EFCAB13: variants seen among roughly 807,000 people sequenced by gnomAD.
The protein encoded by EFCAB13 is EF-hand calcium binding domain 13, also known as EF-hand calcium-binding domain-containing protein 13.
A neutral mutation model predicts 110.2 loss-of-function variants in EFCAB13; 91 were observed. That is an observed-to-expected ratio of 0.83 (90% confidence interval 0.70 to 0.98). EFCAB13 has a LOEUF of 0.98. Ranked by LOEUF, EFCAB13 falls within the 50% of genes least tolerant of loss-of-function variation. EFCAB13 has a pLI of 0.00. For missense variants in EFCAB13, 968 were observed against 1,119.4 expected (o/e 0.86, Z 1.93); for synonymous variants, 323 against 369.9 (o/e 0.87, Z 1.45).
At chr17:47,380,562 G>A (rs1402808844) in intron 14 of EFCAB13, among the ~76,000 whole-genome samples, 5 of 152,214 alleles carry the variant, frequency 3.3e-5, no homozygotes, top group African/African-American at 9.7e-5. Flanking sequence ...TGTCTTTATA[G>A]TAGAATGATT....
chr17:47,332,256 T>A (rs1316556515), intron 4 of EFCAB13, among the ~76,000 whole-genome samples: 1 of 152,180 alleles, frequency 6.6e-6, no homozygotes, highest in Admixed American at 6.5e-5. Flanking sequence ...TTATTGCCAT[T>A]CTTTTTTCTT....
chr17:47,327,057 AAT>A (rs1402179023), intron 3 of EFCAB13, among the ~76,000 whole-genome samples: 8 of 152,254 alleles, frequency 5.3e-5, no homozygotes, highest in South Asian at 4.1e-4. Flanking sequence ...GTGAGTTGAA[AAT>A]ATGAAAATTT....
intron 9 of EFCAB13, 46 bp from the exon 10 acceptor site, chr17:47,361,332 A>T: frequency 6.3e-7 from 1 of 1,590,626 alleles, no homozygotes; most frequent in Non-Finnish European, 8.6e-7. Context: ...CTGCTTTTCC[A>T]AGAAAAGCTG....
At position 47,431,655 on chromosome 17, in the gene EFCAB13, T is replaced by C. The variant is rs988902450; in HGVS notation, c.2638+1694T>C. Among the ~76,000 whole-genome samples the C allele has an allele frequency of 3.9e-5, 6 of 152,178 alleles. No homozygotes were observed. Among genetic ancestry groups the C allele is most frequent in the Non-Finnish European group, 2.9e-5 (2 of 68,012 alleles). ...GTGAACATACTCTGATTTTAGTCTT[T>C]TGAAGTTTGTTGAGGCTTGATTTAT... On this transcript the variant is annotated intron_variant, in intron 24 of 24. Transcript: ENST00000331493. This position sits in a 1 kb window ranked among gnomAD's most constrained non-coding sequence, Gnocchi z 4.1.
rs746496282 is a variant in EFCAB13, at chr17:47,335,232, A to T, written c.67A>T (p.Asn23Tyr). 1 of 1,610,396 alleles carries T rather than the reference A, an allele frequency of 6.2e-7. No homozygotes were observed. The highest frequency in any genetic ancestry group is 8.5e-7 in the Non-Finnish European group (1 of 1,178,970). The change falls in exon 5 of 25, where the codon AAT becomes TAT. Residue 23 changes from asparagine to tyrosine, a missense_variant. Physicochemically the swap from Asn to Tyr is moderately radical, Grantham distance 143. Coordinates refer to ENST00000331493, the MANE Select transcript of EFCAB13 (RefSeq NM_152347.5). ...TATTGACTTATTAGATGATGGCTCT[A>T]ATTCTTTTGCAACTGACTTGTCATC... The part of the protein sequence containing the change: ...ENIDLLDDGS[N>Y]SFATDLSSGT...
intron 11 of EFCAB13, among the ~76,000 whole-genome samples, chr17:47,373,775 T>C (rs1173270987): frequency 6.6e-6 from 1 of 152,114 alleles, no homozygotes; most frequent in African/African-American, 2.4e-5. Flanking sequence ...TCTCATAGAG[T>C]CTAAGATAAG....
intron 3 of EFCAB13, among the ~76,000 whole-genome samples, chr17:47,326,683 C>CAGT (rs4060888): frequency 0.047 from 7,163 of 152,242 alleles, 243 homozygotes; most frequent in East Asian, 0.11. Flanking sequence ...GTGCTATGCA[C>CAGT]AGTAGTTTAG....
chr17:47,423,470 C>T, intron 23 of EFCAB13: 1 of 215,278 alleles, frequency 4.6e-6, no homozygotes. Context: ...CCGCGCCTGG[C>T]TGCGGGCGGC....
In EFCAB13 at chr17:47,403,913, G is replaced by A; in HGVS notation, c.2053G>A (p.Glu685Lys). The A allele has an allele frequency of 6.2e-7, 1 of 1,610,680 alleles. No individual in the cohort carries two copies. The highest frequency in any genetic ancestry group is 8.5e-7 in the Non-Finnish European group (1 of 1,178,324). Residue 685 changes from glutamate to lysine, a missense_variant, in exon 19 of 25, where the codon GAA becomes AAA. By Grantham distance (56) the Glu-to-Lys change is moderately conservative. Coordinates refer to ENST00000331493, the MANE Select transcript of EFCAB13 (RefSeq NM_152347.5). The stretch of plus-strand genomic sequence containing the variant: ...AGTTGTCTTAGCTGCTGATTTGCTG[G>A]AAGGTGACATGATAGCTGGGAAGAA... ...QEVVLAADLL[E>K]GDMIAGKNLE...
Position 47,364,027 on chromosome 17 carries a change from G to T in EFCAB13, c.805+2506G>T, listed in dbSNP as rs1174186719. Among the ~76,000 whole-genome samples, 4 of 152,286 alleles carry T rather than the reference G, an allele frequency of 2.6e-5. No individual in the cohort carries two copies. The East Asian group carries it at 7.7e-4, about 29-fold the overall frequency. ...AAACAGCTGCAGTACCTTGCTTTTT[G>T]GCTTATGGAGTTCTGGCCTGGGTCT... On this transcript the variant is annotated intron_variant, in intron 10 of 24. Coordinates refer to ENST00000331493, the MANE Select transcript of EFCAB13 (RefSeq NM_152347.5).
At chr17:47,369,227 C>T (rs1303854343) in intron 10 of EFCAB13, among the ~76,000 whole-genome samples, 1 of 152,182 alleles carries the variant, frequency 6.6e-6, no homozygotes, top group Non-Finnish European at 1.5e-5. Context: ...TTTTATTTTG[C>T]TTGTTGAACC....
intron 23 of EFCAB13, among the ~76,000 whole-genome samples, chr17:47,425,193 A>C (rs563286025): frequency 1.3e-5 from 2 of 152,220 alleles, no homozygotes; most frequent in South Asian, 4.1e-4. Flanking sequence ...TCCGGTTGAC[A>C]ATCTTATGAG....
intron 10 of EFCAB13, among the ~76,000 whole-genome samples, chr17:47,364,160 G>C (rs922282257): frequency 6.6e-6 from 1 of 152,138 alleles, no homozygotes; most frequent in African/African-American, 2.4e-5. Flanking sequence ...TTGGCACCTA[G>C]AACAGACAGA....
intron 9 of EFCAB13, among the ~76,000 whole-genome samples, chr17:47,359,764 G>A (rs1405812605): frequency 1.1e-3 from 144 of 135,124 alleles, no homozygotes; most frequent in African/African-American, 3.8e-3. Context: ...TCCTAATGCT[G>A]TCCCTCCCCC....
intron 12 of EFCAB13, among the ~76,000 whole-genome samples, chr17:47,376,876 T>TTG (rs2065618208): frequency 6.6e-6 from 1 of 152,246 alleles, no homozygotes; most frequent in African/African-American, 2.4e-5. Context: ...TTGTCTTGTA[T>TTG]AATACTCTTC....
At chr17:47,378,611 G>A (rs1418736216) in intron 13 of EFCAB13, among the ~76,000 whole-genome samples, 5 of 152,082 alleles carry the variant, frequency 3.3e-5, no homozygotes, top group Non-Finnish European at 7.4e-5. Flanking sequence ...TAAAGAGTGG[G>A]TGGCACTAAA....
intron 5 of EFCAB13, 106 bp from the exon 6 acceptor site, chr17:47,341,815 G>A: frequency 1.6e-6 from 1 of 644,620 alleles, no homozygotes; most frequent in South Asian, 2.2e-5. Context: ...ACTGGGTGAT[G>A]GGATTCTGTA....
At chr17:47,427,661 G>C (rs866699218) in intron 23 of EFCAB13, among the ~76,000 whole-genome samples, 1 of 151,972 alleles carries the variant, frequency 6.6e-6, no homozygotes, top group Non-Finnish European at 1.5e-5. Flanking sequence ...TTATATCACA[G>C]GTTTTGGTTA....
intron 9 of EFCAB13, among the ~76,000 whole-genome samples, chr17:47,351,302 TGTGCGCGCGC>T (rs1260606217): frequency 1.9e-4 from 19 of 101,694 alleles, no homozygotes; most frequent in African/African-American, 5.1e-4. Context: ...TGTGTGTGTG[TGTGCGCGCGC>T]GCGCGCGCGC....
Sources: gnomAD v4.1 joint callset for allele counts (sites outside exome capture counted in the v4.1 genomes callset) on GRCh38, gnomAD v4.1.1 for gene constraint, Gnocchi (gnomAD v3.1) non-coding constraint, MANE v1.5 for transcripts, NCBI Gene and HGNC (gene_info 2026-07-23, HGNC 2026-07-21) for gene names.